The following MYO15A variants were observed in gnomAD, a reference collection of about 807,000 sequenced individuals.
MYO15A encodes the protein unconventional myosin-XV.
Under a neutral mutation model 394.6 loss-of-function variants are expected in MYO15A, and 308 were observed. The observed-to-expected ratio is 0.78, with a 90% CI of 0.71 to 0.86. The LOEUF (loss-of-function observed/expected upper bound fraction) is 0.86. Among genes scored for constraint, MYO15A ranks in the 40% least tolerant of loss-of-function variants. MYO15A has a pLI of 0.00. For missense variants in MYO15A, 4,606 were observed against 4,799.1 expected (o/e 0.96, Z 1.19); for synonymous variants, 1,957 against 2,003.8 (o/e 0.98, Z 0.62).
intron 1 of MYO15A, among the ~76,000 whole-genome samples, chr17:18,111,598 C>T (rs1597739593): frequency 6.6e-6 from 1 of 152,334 alleles, no homozygotes. Context: ...GGACCTGGAA[C>T]CTACCAGAGA....
chr17:18,120,176 A>C lies in MYO15A; in HGVS notation c.1376A>C (p.Glu459Ala). The C allele has an allele frequency of 6.2e-7, 1 of 1,612,856 alleles. No homozygotes were observed. The highest frequency in any genetic ancestry group is 8.5e-7 in the Non-Finnish European group (1 of 1,179,972). Residue 459 changes from glutamate (E) to alanine (A), a missense_variant, in exon 2 of 66, where the codon GAG becomes GCG. Glu to Ala is a moderately radical substitution (Grantham distance 107, BLOSUM62 -1). Coordinates refer to ENST00000647165, the MANE Select transcript of MYO15A (RefSeq NM_016239.4). Reference sequence around the variant, plus strand: ...CGCCTGCCCAGCGCCGCCTTCTTCGAGCAGCAAGGCATGGATAAGCCCGCC... The same window carrying C: ...CGCCTGCCCAGCGCCGCCTTCTTCGCGCAGCAAGGCATGGATAAGCCCGCC... ...SFRLPSAAFF[E>A]QQGMDKPARS...
At chr17:18,159,849 C>A (rs755788928) in intron 55 of MYO15A, 86 bp from the exon 56 acceptor site, 2 of 1,508,466 alleles carry the variant, frequency 1.3e-6, no homozygotes, top group African/African-American at 2.7e-5. Context: ...GGCCTGTCTT[C>A]AGGTGCCCAC....
intron 47 of MYO15A, 47 bp downstream of exon 47, chr17:18,155,479 AC>A (rs569796151): frequency 2.6e-6 from 4 of 1,521,950 alleles, no homozygotes; most frequent in East Asian, 4.5e-5. Context: ...TGGGATACAG[AC>A]TGGCATCGGC....
At chr17:18,134,667 G>A (rs759654054) in intron 12 of MYO15A, among the ~76,000 whole-genome samples, 8 of 152,104 alleles carry the variant, frequency 5.3e-5, no homozygotes, top group Admixed American at 5.2e-4. Context: ...TGGATTGCTC[G>A]AGCCCAGGAG....
At chr17:18,158,244 G>C (rs1375926944) in intron 51 of MYO15A, 2 of 591,092 alleles carry the variant, frequency 3.4e-6, no homozygotes, top group Non-Finnish European at 6.0e-6. Context: ...TGTGGAGCTA[G>C]CGAGGGGCGG....
intron 59 of MYO15A, among the ~76,000 whole-genome samples, 190 bp downstream of exon 59, chr17:18,163,511 C>T (rs938736593): frequency 6.6e-6 from 1 of 152,250 alleles, no homozygotes; most frequent in African/African-American, 2.4e-5. Context: ...GCCTCTGGCT[C>T]AGGGTCATCC....
intron 1 of MYO15A, among the ~76,000 whole-genome samples, chr17:18,115,244 T>G (rs150677027): frequency 1.1e-3 from 161 of 152,328 alleles, no homozygotes; most frequent in Middle Eastern, 6.8e-3. Flanking sequence ...AGGACCTCCA[T>G]AGAAGCTTCC....
intron 62 of MYO15A, chr17:18,169,412 TG>T (rs1237241652): frequency 2.0e-5 from 3 of 151,592 alleles, no homozygotes; most frequent in African/African-American, 4.8e-5. Flanking sequence ...ATCATGCCAT[TG>T]CACTCCAGCC....
chr17:18,111,960 C>T (rs956451343), intron 1 of MYO15A, among the ~76,000 whole-genome samples: 29 of 152,328 alleles, frequency 1.9e-4, no homozygotes, highest in African/African-American at 4.6e-4. Flanking sequence ...CTGGGCTCCA[C>T]GTCCCCTGGG....
intron 64 of MYO15A, chr17:18,173,578 T>C: frequency 1.5e-6 from 1 of 671,454 alleles, no homozygotes; most frequent in South Asian, 1.7e-5. Flanking sequence ...TCAGTATTTG[T>C]TGAATCAATT....
chr17:18,161,060 A>C lies in MYO15A; in HGVS notation c.9387-257A>C, dbSNP rs887383111. 11 of 629,900 alleles carry C rather than the reference A, an allele frequency of 1.7e-5. No individual in the cohort carries two copies. In the African/African-American group the frequency reaches 2.0e-4, roughly 11 times the overall value. The allele number at this position is 629,900 out of a possible 1,614,324, so 39.0% of individuals were successfully genotyped here. On this transcript the variant is annotated intron_variant, in intron 56 of 65. Transcript: ENST00000647165. ...TACCTGTTGTGAGGCAGAGAAGAGA[A>C]GAATAGGAGAGGAAAGAGTCGCAGT...
rs537961914 is a variant in MYO15A, at chr17:18,151,513, G to A, written c.7773G>A (p.Arg2591=). Residue 2591 remains arginine (R), a synonymous_variant, in exon 40 of 66, where the codon CGG becomes CGA. Coordinates refer to ENST00000647165, the MANE Select transcript of MYO15A (RefSeq NM_016239.4). ...RQYQQPFRGG[R]PEALRKDGGK... is the part of the protein sequence containing the mutation. ...ACCAGCAGCCGTTCCGGGGAGGCCG[G>A]CCTGAGGCCCTCAGGTCAGCACTGC... 78 of 1,614,146 alleles carry A rather than the reference G, an allele frequency of 4.8e-5. No individual in the cohort carries two copies. The highest frequency in any genetic ancestry group is 6.5e-5 in the Non-Finnish European group (77 of 1,180,040).
intron 2 of MYO15A, chr17:18,123,617 GA>G (rs1358420433): frequency 6.6e-6 from 1 of 152,390 alleles, no homozygotes; most frequent in African/African-American, 2.4e-5. Flanking sequence ...CAGTCATGTG[GA>G]TCCTGCGCAG....
In MYO15A at chr17:18,148,202, G is replaced by A; in HGVS notation, c.6683G>A (p.Cys2228Tyr). The change falls in exon 31 of 66, where the codon TGC becomes TAC. Residue 2228 changes from cysteine (C) to tyrosine (Y), a missense_variant. Cys to Tyr is a radical substitution (Grantham distance 194, BLOSUM62 -2). This residue lies in a region of MYO15A where 2,776 missense variants were observed against 3,109.3 expected (regional missense o/e 0.89). Transcript: ENST00000647165. This position sits in a 1 kb window ranked among gnomAD's most constrained non-coding sequence, Gnocchi z 4.8. ...EKASMALDVG[C>Y]FNGDQFSCPV... ...GCCAGCATGGCGCTGGACGTGGGCT[G>A]CTTCAATGGTAAGCTGCCTTCCCCC... The A allele has an allele frequency of 6.2e-7, 1 of 1,613,672 alleles. No individual in the cohort carries two copies. The highest frequency in any genetic ancestry group is 8.5e-7 in the Non-Finnish European group (1 of 1,180,036).
At chr17:18,162,475 C>G in intron 57 of MYO15A, 110 bp from the exon 58 acceptor site, 1 of 965,778 alleles carries the variant, frequency 1.0e-6, no homozygotes, top group South Asian at 1.4e-5. Flanking sequence ...AAATGCCTTC[C>G]CCACAGCTTG....
Position 18,131,461 on chromosome 17 carries a change from AC to A in MYO15A, c.4143-3del, listed in dbSNP as rs1432243672. The A allele has an allele frequency of 6.2e-7, 1 of 1,613,136 alleles. No individual in the cohort carries two copies. Among genetic ancestry groups the A allele is most frequent in the Non-Finnish European group, 8.5e-7 (1 of 1,179,818 alleles). On this transcript the variant is annotated splice_region_variant and splice_polypyrimidine_tract_variant and intron_variant, in intron 9 of 65. Coordinates refer to ENST00000647165, the MANE Select transcript of MYO15A (RefSeq NM_016239.4). ...TCACTGAGAGCTGACTGTGCTCCCC[AC>A]CCCAGGGGCGTGATCTCTGGTGCCA...
At position 18,145,868 on chromosome 17, in the gene MYO15A, C is replaced by T. The variant is rs777876955; in HGVS notation, c.6274-4C>T. On this transcript the variant is annotated splice_region_variant and splice_polypyrimidine_tract_variant and intron_variant, in intron 29 of 65. Transcript: ENST00000647165. ...ATGCCCAGGAGACTCTGTTCGTGGC[C>T]CAGATCCTGCGCTTCATGGGCGACC... The T allele has an allele frequency of 6.2e-7, 1 of 1,612,918 alleles. No homozygotes were observed. The highest frequency in any genetic ancestry group is 8.5e-7 in the Non-Finnish European group (1 of 1,179,872).
Position 18,119,157 on chromosome 17 carries a change from C to A in MYO15A, c.357C>A (p.Arg119=). ...IRFPGRRGYG[R]LRPRARSLSK... The stretch of plus-strand genomic sequence containing the variant: ...TCCCAGGCCGCCGTGGCTACGGCCG[C>A]CTGCGGCCGCGCGCCCGGTCACTCA... The change falls in exon 2 of 66, where the codon CGC becomes CGA. Residue 119 remains arginine (R), a synonymous_variant. Transcript: ENST00000647165. The A allele has an allele frequency of 1.2e-6, 2 of 1,611,784 alleles. No individual in the cohort carries two copies. Among genetic ancestry groups the A allele is most frequent in the Non-Finnish European group, 1.7e-6 (2 of 1,179,578 alleles).
At chr17:18,155,014 T>C in intron 45 of MYO15A, 96 bp from the exon 46 acceptor site, 1 of 1,192,802 alleles carries the variant, frequency 8.4e-7, no homozygotes, top group South Asian at 1.3e-5. Context: ...AGATACCTTC[T>C]TGCTGGGTAT....
Sources: allele counts gnomAD v4.1 joint callset (sites outside exome capture counted in the v4.1 genomes callset), GRCh38; gene constraint gnomAD v4.1.1; regional missense constraint gnomAD v4.1.1; non-coding constraint Gnocchi (gnomAD v3.1); transcripts MANE v1.5; gene names NCBI Gene and HGNC (gene_info 2026-07-23, HGNC 2026-07-21).